Variants in ADAMTSL2 observed in about 807,000 individuals in gnomAD.
ADAMTSL2 encodes ADAMTS like 2.
A neutral mutation model predicts 117.0 loss-of-function variants in ADAMTSL2; 55 were observed. The ratio of observed to expected loss-of-function variants is 0.47; its 90% confidence interval spans 0.38 to 0.59. ADAMTSL2 has a LOEUF of 0.59. Among genes scored for constraint, ADAMTSL2 ranks in the 20% least tolerant of loss-of-function variants. The probability of loss-of-function intolerance (pLI) is 0.00; values close to 1 mark genes in which losing one functional copy is unlikely to be tolerated. For synonymous variants in ADAMTSL2, 572 were observed against 566.4 expected (o/e 1.01, Z -0.14); for missense variants, 1,182 against 1,354.5 (o/e 0.87, Z 2.00).
chr9:133,569,818 G>GC (rs1182290082), intron 16 of ADAMTSL2, among the ~76,000 whole-genome samples: 2 of 152,216 alleles, frequency 1.3e-5, no homozygotes, highest in African/African-American at 4.8e-5. Context: ...AATTGGCATT[G>GC]CCCCCAGCCT....
intron 12 of ADAMTSL2, among the ~76,000 whole-genome samples, chr9:133,566,225 T>G (rs112784957): frequency 0.071 from 10,764 of 152,260 alleles, 521 homozygotes; most frequent in Non-Finnish European, 0.12. Context: ...GCGGATCACC[T>G]GAGGTCAGAA....
chr9:133,564,807 A>T (rs1830925296), intron 12 of ADAMTSL2, among the ~76,000 whole-genome samples: 1 of 151,980 alleles, frequency 6.6e-6, no homozygotes, highest in Non-Finnish European at 1.5e-5. Flanking sequence ...CTGGGCAGAA[A>T]TAACAGAGTC....
chr9:133,569,314 G>A, intron 15 of ADAMTSL2, 94 bp from the exon 16 acceptor site: 1 of 1,349,280 alleles, frequency 7.4e-7, no homozygotes, highest in Non-Finnish European at 1.0e-6. Flanking sequence ...ACACTGCCTG[G>A]GAGCCACTCC....
At chr9:133,535,643 T>A (rs950576032) in intron 1 of ADAMTSL2, among the ~76,000 whole-genome samples, 4 of 152,174 alleles carry the variant, frequency 2.6e-5, no homozygotes, top group African/African-American at 9.7e-5. Context: ...GTCGAGTCCC[T>A]GAGTTTGCTA....
intron 17 of ADAMTSL2, among the ~76,000 whole-genome samples, chr9:133,571,040 C>T (rs1254369293): frequency 1.3e-5 from 2 of 152,180 alleles, no homozygotes; most frequent in African/African-American, 2.4e-5. Flanking sequence ...GACTCTTGGG[C>T]CCCCAGAATG....
chr9:133,563,840 AGAGG>A (rs1564508560), intron 12 of ADAMTSL2, among the ~76,000 whole-genome samples: 4 of 35,080 alleles, frequency 1.1e-4, no homozygotes, highest in Admixed American at 2.6e-4. Flanking sequence ...AGAGAGAGAG[AGAGG>A]GAGAGAGAGA....
Position 133,540,914 on chromosome 9 carries a change from A to T in ADAMTSL2, c.595A>T (p.Thr199Ser). 1.2e-6 allele frequency: 2 copies of T among 1,613,324 alleles called. No homozygotes were observed. Among genetic ancestry groups the T allele is most frequent in the South Asian group, 2.2e-5 (2 of 91,080 alleles). The stretch of plus-strand genomic sequence containing the variant: ...TGACGGGGTGCTTTTCTCCACCCAC[A>T]CACTGGACAAGTGTGGCATCTGCCA... ...GCDGVLFSTH[T>S]LDKCGICQGD... The change falls in exon 7 of 19, where the codon ACA becomes TCA. Residue 199 changes from threonine (T) to serine (S), a missense_variant. Around this residue, in one of 3 missense-constraint regions of ADAMTSL2, gnomAD observed 372 missense variants for 463.4 expected, o/e 0.80. Coordinates refer to ENST00000651351, the MANE Select transcript of ADAMTSL2 (RefSeq NM_014694.4).
chr9:133,536,261 G>A (rs1830048375), intron 1 of ADAMTSL2, among the ~76,000 whole-genome samples: 1 of 152,252 alleles, frequency 6.6e-6, no homozygotes, highest in Non-Finnish European at 1.5e-5. Context: ...ATCCCAAGGT[G>A]CTCCTGCCAA....
chr9:133,541,309 GAC>G (rs1272246486), intron 7 of ADAMTSL2, among the ~76,000 whole-genome samples: 1 of 135,456 alleles, frequency 7.4e-6, no homozygotes, highest in Non-Finnish European at 1.7e-5. Flanking sequence ...TTTTTTTTGA[GAC>G]AGAGTCTTGC....
At chr9:133,567,573 C>T (rs1299061747) in intron 13 of ADAMTSL2, among the ~76,000 whole-genome samples, 1 of 152,178 alleles carries the variant, frequency 6.6e-6, no homozygotes, top group South Asian at 2.1e-4. Context: ...GCCGGCCTCC[C>T]CCGACAAGGA....
intron 1 of ADAMTSL2, among the ~76,000 whole-genome samples, 174 bp from the exon 2 acceptor site, chr9:133,536,389 G>A (rs903466213): frequency 6.6e-6 from 1 of 152,254 alleles, no homozygotes; most frequent in African/African-American, 2.4e-5. Context: ...GGGGCTTGAG[G>A]ACTTGGAGGC....
At chr9:133,538,280 G>A in intron 3 of ADAMTSL2, 69 bp from the exon 4 acceptor site, 1 of 1,588,650 alleles carries the variant, frequency 6.3e-7, no homozygotes, top group Non-Finnish European at 8.6e-7. Context: ...AGTGGCCGTG[G>A]GGCCAGCCCA....
intron 17 of ADAMTSL2, among the ~76,000 whole-genome samples, chr9:133,573,351 G>A (rs1204923852): frequency 2.0e-5 from 3 of 152,210 alleles, no homozygotes; most frequent in Non-Finnish European, 4.4e-5. Flanking sequence ...TGGTGACTTC[G>A]CGAGATGCAT....
intron 17 of ADAMTSL2, among the ~76,000 whole-genome samples, chr9:133,572,182 A>AC (rs1233972419): frequency 2.9e-3 from 48 of 16,658 alleles, no homozygotes; most frequent in African/African-American, 0.01. Flanking sequence ...GCCACCCCCC[A>AC]CCCCCCACCC....
At chr9:133,535,706 C>T (rs1461185448) in intron 1 of ADAMTSL2, among the ~76,000 whole-genome samples, 1 of 152,168 alleles carries the variant, frequency 6.6e-6, no homozygotes, top group Non-Finnish European at 1.5e-5. Flanking sequence ...TCTCTGGGCT[C>T]CAGGTTATGA....
chr9:133,563,686 G>A (rs1273328759), intron 12 of ADAMTSL2, among the ~76,000 whole-genome samples: 1 of 152,020 alleles, frequency 6.6e-6, no homozygotes, highest in African/African-American at 2.4e-5. Context: ...CCAAGGTGCA[G>A]TGGGGCAAAG....
At position 133,558,938 on chromosome 9, in the gene ADAMTSL2, C is replaced by T. The variant is rs932189882; in HGVS notation, c.1650-2260C>T. ...GCTGCGAAGAGTGTGTGGGCAGCCCCTCCAGAAATACCTTTGGTGCTTAAA... is the reference window on the plus strand; with the variant it reads ...GCTGCGAAGAGTGTGTGGGCAGCCCTTCCAGAAATACCTTTGGTGCTTAAA... On this transcript the variant is annotated intron_variant, in intron 11 of 18. Transcript: ENST00000651351. This position sits in a 1 kb window ranked among gnomAD's most constrained non-coding sequence, Gnocchi z 4.3. Among the ~76,000 whole-genome samples, 1 of 152,224 alleles carries T rather than the reference C, an allele frequency of 6.6e-6. No homozygotes were observed. The highest frequency in any genetic ancestry group is 2.4e-5 in the African/African-American group (1 of 41,456).
intron 7 of ADAMTSL2, among the ~76,000 whole-genome samples, chr9:133,541,644 A>G (rs1480776293): frequency 2.0e-5 from 3 of 152,168 alleles, no homozygotes; most frequent in Non-Finnish European, 4.4e-5. Context: ...CTCTCCACGG[A>G]TATGAGGTTT....
intron 4 of ADAMTSL2, among the ~76,000 whole-genome samples, chr9:133,538,838 C>T (rs952670879): frequency 6.6e-6 from 1 of 152,126 alleles, no homozygotes; most frequent in Non-Finnish European, 1.5e-5. Flanking sequence ...CCCTGGGTTG[C>T]TCTCGGAGCC....
Sources: gnomAD v4.1 joint callset for allele counts (sites outside exome capture counted in the v4.1 genomes callset) on GRCh38, gnomAD v4.1.1 for gene constraint, gnomAD v4.1.1 regional missense constraint, Gnocchi (gnomAD v3.1) non-coding constraint, MANE v1.5 for transcripts, NCBI Gene and HGNC (gene_info 2026-07-23, HGNC 2026-07-21) for gene names.